Variants in EDA observed in about 807,000 individuals in gnomAD.
EDA encodes the protein ectodysplasin-A.
A neutral mutation model predicts 23.6 loss-of-function variants in EDA; 2 were observed. The observed-to-expected ratio is 0.08, with a 90% confidence interval of 0.03 to 0.27. The LOEUF (loss-of-function observed/expected upper bound fraction) is 0.27, where lower values mean the gene tolerates loss of function less well. EDA is among the 10% of genes least tolerant of loss of function. The pLI is 1.00. For missense variants in EDA, 229 were observed against 324.2 expected (o/e 0.71, Z 2.26); for synonymous variants, 131 against 132.0 (o/e 0.99, Z 0.05).
intron 1 of EDA, among the ~76,000 whole-genome samples, chrX:69,831,690 T>A (rs1416643537): frequency 1.8e-5 from 2 of 112,383 alleles, no homozygotes; most frequent in African/African-American, 6.5e-5. Flanking sequence ...TAAAAGTTCC[T>A]GTTTCTCCAC....
chrX:69,770,922 T>C (rs961237932), intron 1 of EDA, among the ~76,000 whole-genome samples: 2 of 112,020 alleles, frequency 1.8e-5, no homozygotes, highest in Non-Finnish European at 3.8e-5. Flanking sequence ...TCAACAGCAG[T>C]TTTTTCCTTT....
At chrX:69,790,251 C>G (rs6418419) in intron 1 of EDA, among the ~76,000 whole-genome samples, 44,625 of 108,595 alleles carry the variant, frequency 0.41, 8,465 homozygotes, top group East Asian at 0.98. Flanking sequence ...TTTTAGGGTA[C>G]ATGTGCACAA....
chrX:69,701,274 T>TG lies in EDA; in HGVS notation c.396+84575dup, dbSNP rs1209936915. Among the ~76,000 whole-genome samples the TG allele has an allele frequency of 2.7e-5, 3 of 110,547 alleles. No individual in the cohort carries two copies. In the East Asian group the frequency reaches 8.7e-4, roughly 32 times the overall value. ...AGGTTTTGGTCGGCTCAGGAAGGGA[T>TG]GGGGGCAGTCCTTGTGGGGGCCACT... On this transcript the variant is annotated intron_variant, in intron 1 of 7. Transcript: ENST00000374552.
At chrX:69,702,211 G>A (rs935539507) in intron 1 of EDA, among the ~76,000 whole-genome samples, 5 of 111,225 alleles carry the variant, frequency 4.5e-5, no homozygotes, top group African/African-American at 1.6e-4. Flanking sequence ...AGTAAGGGTG[G>A]GGCATGGACC....
chrX:69,786,170 T>C (rs991703573), intron 1 of EDA, among the ~76,000 whole-genome samples: 4 of 111,440 alleles, frequency 3.6e-5, no homozygotes, highest in Admixed American at 9.5e-5. Flanking sequence ...TGCATCTATT[T>C]TATTGTCTCT....
intron 1 of EDA, among the ~76,000 whole-genome samples, chrX:69,723,113 A>G (rs775509914): frequency 4.5e-4 from 50 of 112,185 alleles, no homozygotes; most frequent in African/African-American, 1.6e-3. Flanking sequence ...AGAAGGTTAC[A>G]TATCTTTTAA....
At chrX:69,865,435 G>T (rs1386535632) in intron 1 of EDA, among the ~76,000 whole-genome samples, 4 of 110,897 alleles carry the variant, frequency 3.6e-5, no homozygotes, top group Non-Finnish European at 5.7e-5. Flanking sequence ...AATGTTTGAG[G>T]ACAGGAAGCA....
At chrX:69,959,402 C>A (rs891191428) in intron 2 of EDA, among the ~76,000 whole-genome samples, 1 of 111,828 alleles carries the variant, frequency 8.9e-6, no homozygotes, top group South Asian at 3.7e-4. Flanking sequence ...AGAACCATTT[C>A]TTTAGATGTG....
chrX:69,980,986 T>C lies in EDA; in HGVS notation c.502+23854T>C, dbSNP rs1489437406. 7.1e-5 allele frequency among the ~76,000 whole-genome samples: 8 copies of C among 112,333 alleles called. No individual in the cohort carries two copies. The East Asian group carries it at 2.2e-3, about 31-fold the overall frequency. Reference sequence around the variant, plus strand: ...AGCCTTGGGCAGGCTGGGCTTTCTGTAGAGCTACTTGACTGGAAGCTTTTT... The same window carrying C: ...AGCCTTGGGCAGGCTGGGCTTTCTGCAGAGCTACTTGACTGGAAGCTTTTT... On this transcript the variant is annotated intron_variant, in intron 2 of 7. Coordinates refer to ENST00000374552, the MANE Select transcript of EDA (RefSeq NM_001399.5).
At chrX:69,702,329 G>A (rs961197579) in intron 1 of EDA, among the ~76,000 whole-genome samples, 1 of 110,799 alleles carries the variant, frequency 9.0e-6, no homozygotes, top group African/African-American at 3.3e-5. Flanking sequence ...AGGCAGTGGA[G>A]GATAGATAGG....
intron 1 of EDA, among the ~76,000 whole-genome samples, chrX:69,824,506 T>A (rs912457016): frequency 9.0e-5 from 10 of 110,686 alleles, no homozygotes; most frequent in Non-Finnish European, 1.3e-4. Flanking sequence ...GTTTGTCTGC[T>A]GTTGGTGTAT....
At chrX:69,710,362 G>C (rs1482304667) in intron 1 of EDA, among the ~76,000 whole-genome samples, 2 of 111,091 alleles carry the variant, frequency 1.8e-5, no homozygotes, top group Non-Finnish European at 3.8e-5. Flanking sequence ...CTATATCTCT[G>C]TTTTGGTACC....
intron 1 of EDA, among the ~76,000 whole-genome samples, chrX:69,746,673 C>T (rs866115754): frequency 4.5e-5 from 5 of 110,964 alleles, no homozygotes; most frequent in East Asian, 2.8e-4. Flanking sequence ...CTCCTGCAAA[C>T]GCATGCAGGT....
rs143336659 is a variant in EDA, at chrX:69,854,949, C to T, written c.397-102078C>T. Among the ~76,000 whole-genome samples, 96 of 111,105 alleles carry T rather than the reference C, an allele frequency of 8.6e-4. No individual in the cohort carries two copies. In the East Asian group the frequency reaches 0.019, roughly 22 times the overall value. ...CAGTGTATAAGCATTCCTTTTTCTCCACAACCTTGCCAGCATGTTATTTTT... is the reference window on the plus strand; with the variant it reads ...CAGTGTATAAGCATTCCTTTTTCTCTACAACCTTGCCAGCATGTTATTTTT... On this transcript the variant is annotated intron_variant, in intron 1 of 7. Transcript: ENST00000374552.
In EDA at chrX:70,028,035, T is replaced by G. The variant is rs751314385; in HGVS notation, c.705T>G (p.Ser235=). 1.7e-6 allele frequency: 2 copies of G among 1,168,451 alleles called. No homozygotes were observed. The highest frequency in any genetic ancestry group is 3.0e-5 in the East Asian group (1 of 32,933). Reference sequence around the variant, plus strand: ...GACCCCCTGGCCTCCAGGGACCTTCTGGTGAGTTCCCCTGTCTCTCCACCC... The same window carrying G: ...GACCCCCTGGCCTCCAGGGACCTTCGGGTGAGTTCCCCTGTCTCTCCACCC... ...PQGPPGLQGP[S]GAADKAGTRE... is the part of the protein sequence containing the mutation. The change falls in exon 4 of 8, where the codon TCT becomes TCG. Residue 235 remains serine (S), a splice_region_variant and synonymous_variant. Transcript: ENST00000374552.
intron 2 of EDA, among the ~76,000 whole-genome samples, chrX:69,958,750 A>G (rs746524985): frequency 1.8e-5 from 2 of 111,633 alleles, no homozygotes; most frequent in East Asian, 5.7e-4. Flanking sequence ...TCTTCTGGCT[A>G]TGTGGAAGCA....
At chrX:69,888,714 A>G (rs1158995707) in intron 1 of EDA, among the ~76,000 whole-genome samples, 1 of 107,192 alleles carries the variant, frequency 9.3e-6, no homozygotes, top group African/African-American at 3.4e-5. Flanking sequence ...AGGTAATTAT[A>G]TAATGAAAAA....
intron 1 of EDA, among the ~76,000 whole-genome samples, chrX:69,771,175 G>GC (rs35581546): frequency 9.2e-6 from 1 of 108,799 alleles, no homozygotes; most frequent in Non-Finnish European, 1.9e-5. Flanking sequence ...TCCTGCCTCA[G>GC]CCCCCCCAAG....
At chrX:70,013,793 C>T (rs765425403) in intron 2 of EDA, among the ~76,000 whole-genome samples, 2 of 111,575 alleles carry the variant, frequency 1.8e-5, no homozygotes, top group South Asian at 7.6e-4. Flanking sequence ...CCTTGCTGCT[C>T]TCTGACTGGA....
Sources: gnomAD v4.1 joint callset for allele counts (sites outside exome capture counted in the v4.1 genomes callset) on GRCh38, gnomAD v4.1.1 for gene constraint, MANE v1.5 for transcripts, NCBI Gene and HGNC (gene_info 2026-07-23, HGNC 2026-07-21) for gene names.